PTPRT: variants seen among roughly 807,000 people sequenced by gnomAD.
PTPRT encodes the protein protein tyrosine phosphatase receptor type T, also known as receptor-type tyrosine-protein phosphatase T.
In PTPRT, 56 loss-of-function variants were observed where a neutral mutation model predicts 176.8. The observed-to-expected ratio is 0.32, with a 90% CI of 0.26 to 0.40. PTPRT has a LOEUF of 0.40. PTPRT is among the 10% of genes least tolerant of loss of function. PTPRT has a pLI of 1.00. For synonymous variants in PTPRT, 783 were observed against 739.0 expected (o/e 1.06, Z -0.96); for missense variants, 1,540 against 1,908.2 (o/e 0.81, Z 3.60).
At chr20:42,364,524 T>C (rs1021225211) in intron 9 of PTPRT, among the ~76,000 whole-genome samples, 3 of 152,174 alleles carry the variant, frequency 2.0e-5, no homozygotes, top group Non-Finnish European at 2.9e-5. Flanking sequence ...TGAACATTTT[T>C]TTTTCTCCCT....
At chr20:42,597,613 T>C (rs896503338) in intron 7 of PTPRT, among the ~76,000 whole-genome samples, 3 of 152,208 alleles carry the variant, frequency 2.0e-5, no homozygotes, top group African/African-American at 7.2e-5. Flanking sequence ...GCTCTGGCCA[T>C]GTAAGATTTG....
chr20:42,493,710 C>A (rs2071600791), intron 7 of PTPRT, among the ~76,000 whole-genome samples: 1 of 152,038 alleles, frequency 6.6e-6, no homozygotes, highest in African/African-American at 2.4e-5. Flanking sequence ...AAGTGGTGTG[C>A]CTTCTTAACC....
intron 2 of PTPRT, among the ~76,000 whole-genome samples, chr20:42,796,064 C>T (rs933252173): frequency 6.6e-5 from 10 of 152,040 alleles, no homozygotes; most frequent in South Asian, 2.1e-4. Context: ...GCAAGGAATA[C>T]GAAGGAACAG....
chr20:43,121,402 C>T (rs1190583505), intron 1 of PTPRT, among the ~76,000 whole-genome samples: 1 of 152,194 alleles, frequency 6.6e-6, no homozygotes, highest in African/African-American at 2.4e-5. Flanking sequence ...ATGCATATAT[C>T]TAGCTTATTA....
chr20:42,319,765 T>A (rs746780347), intron 11 of PTPRT, among the ~76,000 whole-genome samples: 8 of 152,180 alleles, frequency 5.3e-5, no homozygotes, highest in Non-Finnish European at 8.8e-5. Context: ...TCATTCTCAT[T>A]CTCTTGAGAA....
intron 18 of PTPRT, among the ~76,000 whole-genome samples, chr20:42,141,452 C>T (rs537962649): frequency 4.6e-5 from 7 of 152,342 alleles, no homozygotes; most frequent in Non-Finnish European, 7.3e-5. Context: ...CCTAGCCCCT[C>T]CCTCACAGGC....
At chr20:42,219,272 C>T (rs1471890346) in intron 15 of PTPRT, among the ~76,000 whole-genome samples, 1 of 152,098 alleles carries the variant, frequency 6.6e-6, no homozygotes, top group Admixed American at 6.6e-5. Context: ...TTCAGGGATA[C>T]TATTTCTGCC....
intron 1 of PTPRT, among the ~76,000 whole-genome samples, chr20:42,946,005 T>A (rs1037525124): frequency 2.0e-5 from 3 of 152,226 alleles, no homozygotes; most frequent in African/African-American, 4.8e-5. Flanking sequence ...TGTGTTGGGC[T>A]TCTTTCACTT....
intron 1 of PTPRT, among the ~76,000 whole-genome samples, chr20:43,069,611 A>G (rs1244448611): frequency 2.0e-5 from 3 of 152,344 alleles, no homozygotes; most frequent in Non-Finnish European, 2.9e-5. Context: ...CTGGTATGAC[A>G]AGGAAGAGAC....
At chr20:42,745,007 GC>G (rs917636672) in intron 6 of PTPRT, among the ~76,000 whole-genome samples, 1 of 152,166 alleles carries the variant, frequency 6.6e-6, no homozygotes, top group Non-Finnish European at 1.5e-5. Flanking sequence ...AGCTTTATTG[GC>G]CTGAAAGGTA....
chr20:42,865,217 G>T (rs533486637), intron 2 of PTPRT, among the ~76,000 whole-genome samples: 1 of 152,284 alleles, frequency 6.6e-6, no homozygotes, highest in African/African-American at 2.4e-5. Flanking sequence ...TACCTAATCA[G>T]GGCTCTTCCT....
intron 12 of PTPRT, among the ~76,000 whole-genome samples, chr20:42,292,474 C>CT (rs1406851894): frequency 6.6e-6 from 1 of 152,042 alleles, no homozygotes; most frequent in African/African-American, 2.4e-5. Flanking sequence ...TAGTTTATGT[C>CT]TTTTAATCCT....
chr20:42,047,969 G>C, the PTPRT span, among the ~76,000 whole-genome samples: 4 of 152,210 alleles, frequency 2.6e-5, no homozygotes, highest in Admixed American at 6.5e-5. Flanking sequence ...AAGGGTGAGG[G>C]TTGAGGGGAT....
intron 16 of PTPRT, among the ~76,000 whole-genome samples, chr20:42,187,421 C>A (rs958619430): frequency 6.6e-6 from 1 of 152,106 alleles, no homozygotes; most frequent in African/African-American, 2.4e-5. Context: ...CATCATGGAA[C>A]CCTTTTCAAA....
intron 12 of PTPRT, among the ~76,000 whole-genome samples, chr20:42,290,383 GA>G (rs1209134700): frequency 6.6e-6 from 1 of 152,028 alleles, no homozygotes; most frequent in African/African-American, 2.4e-5. Context: ...GCTCTGTTGA[GA>G]AATGCTTCTA....
chr20:42,083,468 C>T (rs1983562859), intron 29 of PTPRT, among the ~76,000 whole-genome samples: 1 of 152,194 alleles, frequency 6.6e-6, no homozygotes, highest in South Asian at 2.1e-4. Context: ...TCTTCCTGAA[C>T]TCTAGCCTGA....
At chr20:42,948,287 T>C (rs1412500240) in intron 1 of PTPRT, among the ~76,000 whole-genome samples, 6 of 152,118 alleles carry the variant, frequency 3.9e-5, no homozygotes. Context: ...GGGAGGGCAG[T>C]ACTGTTTGAG....
intron 13 of PTPRT, among the ~76,000 whole-genome samples, chr20:42,262,069 C>G (rs561778272): frequency 6.6e-6 from 1 of 152,134 alleles, no homozygotes; most frequent in Non-Finnish European, 1.5e-5. Flanking sequence ...ACCCGTGCAA[C>G]GGTAATAAAA....
chr20:43,020,194 T>A (rs1985602915), intron 1 of PTPRT, among the ~76,000 whole-genome samples: 1 of 145,092 alleles, frequency 6.9e-6, no homozygotes, highest in Non-Finnish European at 1.5e-5. Context: ...ATATAAGTAA[T>A]ATGTAATTAT....
Sources: gnomAD v4.1 joint callset for allele counts (sites outside exome capture counted in the v4.1 genomes callset) on GRCh38, gnomAD v4.1.1 for gene constraint, MANE v1.5 for transcripts, NCBI Gene and HGNC (gene_info 2026-07-23, HGNC 2026-07-21) for gene names.